The following HELLS variants were observed in gnomAD, a reference collection of about 807,000 sequenced individuals.
The protein encoded by HELLS is lymphoid-specific helicase.
HELLS carries 32 observed loss-of-function variants against 120.0 expected under a neutral mutation model. The ratio of observed to expected loss-of-function variants is 0.27; its 90% CI spans 0.20 to 0.36. The LOEUF (loss-of-function observed/expected upper bound fraction) is 0.36. HELLS is among the 10% of genes least tolerant of loss of function. HELLS has a pLI of 1.00. For missense variants in HELLS, 650 were observed against 993.4 expected (o/e 0.65, Z 4.65); for synonymous variants, 341 against 323.4 (o/e 1.05, Z -0.58).
chr10:94,596,483 G>A (rs1394486314), intron 19 of HELLS, among the ~76,000 whole-genome samples: 1 of 151,976 alleles, frequency 6.6e-6, no homozygotes, highest in Non-Finnish European at 1.5e-5. Flanking sequence ...GTTGTTTTTA[G>A]TAGAATTTTT....
At chr10:94,612,913 CTG>C (rs1230934168) in exon 10 of HELLS, 1 of 152,114 alleles carries the variant, frequency 6.6e-6, no homozygotes, top group Non-Finnish European at 1.5e-5. Flanking sequence ...GACAGTGAGA[CTG>C]TCTCAAAAAA....
At chr10:94,598,471 T>C (rs1229832192) in intron 21 of HELLS, among the ~76,000 whole-genome samples, 1 of 152,172 alleles carries the variant, frequency 6.6e-6, no homozygotes, top group Admixed American at 6.5e-5. Context: ...TTTGTTTTTT[T>C]TGAGACCCAA....
chr10:94,576,057 A>G (rs1203337256), intron 9 of HELLS, among the ~76,000 whole-genome samples: 2 of 151,902 alleles, frequency 1.3e-5, no homozygotes, highest in East Asian at 1.9e-4. Flanking sequence ...TCAGCTTCCC[A>G]AAGTGCTGGG....
In HELLS at chr10:94,594,727, A is replaced by G; in HGVS notation, c.2121A>G (p.Arg707=). ...NPQSDLQAQD[R]CHRIGQTKPV... The stretch of plus-strand genomic sequence containing the variant: ...AGTCGGATCTTCAGGCCCAGGATAG[A>G]TGTCATAGAATTGGTCAGACAAAGC... Residue 707 remains arginine, a synonymous_variant, in exon 19 of 22, where the codon AGA becomes AGG. Transcript: ENST00000348459. The G allele has an allele frequency of 6.2e-7, 1 of 1,613,834 alleles. No homozygotes were observed. Among genetic ancestry groups the G allele is most frequent in the African/African-American group, 1.3e-5 (1 of 75,038 alleles).
chr10:94,563,104 CT>C (rs752391404), intron 6 of HELLS, among the ~76,000 whole-genome samples: 254 of 144,434 alleles, frequency 1.8e-3, no homozygotes, highest in Middle Eastern at 7.2e-3. Flanking sequence ...CCTTCATAGA[CT>C]TTTTTTTTTT....
At chr10:94,601,074 T>C (rs898841323) in intron 21 of HELLS, among the ~76,000 whole-genome samples, 2 of 152,206 alleles carry the variant, frequency 1.3e-5, no homozygotes, top group Non-Finnish European at 2.9e-5. Context: ...AGCTGTCATG[T>C]TGATAAAAAT....
intron 10 of HELLS, among the ~76,000 whole-genome samples, chr10:94,577,947 C>CG (rs1554832066): frequency 6.6e-6 from 1 of 152,030 alleles, no homozygotes; most frequent in Non-Finnish European, 1.5e-5. Context: ...CCTGTAGTCC[C>CG]AGCTACTCGG....
intron 10 of HELLS, among the ~76,000 whole-genome samples, chr10:94,577,271 T>C (rs11188030): frequency 0.38 from 57,999 of 152,050 alleles, 11,470 homozygotes; most frequent in East Asian, 0.68. Flanking sequence ...AATTGAAAGA[T>C]TGACCTTTTT....
chr10:94,605,009 A>C (rs1005705853), downstream of HELLS, among the ~76,000 whole-genome samples: 12 of 130,966 alleles, frequency 9.2e-5, no homozygotes, highest in Non-Finnish European at 1.6e-4. Context: ...CCTTTACCAT[A>C]CTCCTGGGTA....
At chr10:94,573,585 G>T (rs1478826292) in intron 7 of HELLS, among the ~76,000 whole-genome samples, 1 of 151,748 alleles carries the variant, frequency 6.6e-6, no homozygotes, top group African/African-American at 2.4e-5. Context: ...TCAGCCTCCC[G>T]AGTAGCTGGG....
In HELLS at chr10:94,576,676, A is replaced by G. The variant is rs772957824; in HGVS notation, c.903A>G (p.Leu301=). The G allele has an allele frequency of 1.1e-5, 17 of 1,599,436 alleles. No homozygotes were observed. Among genetic ancestry groups the G allele is most frequent in the Non-Finnish European group, 8.6e-6 (10 of 1,168,546 alleles). The part of the protein sequence containing the change: ...KRFTPDIPTM[L]YHGTQEERQK... ...AAATTTTTCAGATCCCTACAATGTT[A>G]TATCATGGAACCCAGGAGGAACGTC... Residue 301 remains leucine (L), a synonymous_variant, in exon 10 of 22, where the codon TTA becomes TTG. Coordinates refer to ENST00000348459, the MANE Select transcript of HELLS (RefSeq NM_018063.5).
At chr10:94,548,543 G>A (rs1842842707) in intron 2 of HELLS, among the ~76,000 whole-genome samples, 1 of 152,200 alleles carries the variant, frequency 6.6e-6, no homozygotes. Context: ...AGTCAAATAT[G>A]TAGTATTTTA....
intron 11 of HELLS, among the ~76,000 whole-genome samples, chr10:94,582,662 T>A (rs1844929253): frequency 6.6e-6 from 1 of 152,192 alleles, no homozygotes; most frequent in African/African-American, 2.4e-5. Flanking sequence ...TGTAAAATTA[T>A]AAATATATAC....
chr10:94,549,872 A>G (rs921054606), intron 2 of HELLS, among the ~76,000 whole-genome samples: 1 of 152,096 alleles, frequency 6.6e-6, no homozygotes, highest in East Asian at 1.9e-4. Context: ...TATTAATTGT[A>G]TATTATTTTT....
At chr10:94,549,756 G>A (rs867046116) in intron 2 of HELLS, among the ~76,000 whole-genome samples, 7 of 151,990 alleles carry the variant, frequency 4.6e-5, no homozygotes, top group African/African-American at 1.5e-4. Flanking sequence ...GCAATTTACC[G>A]TAATATAATC....
intron 12 of HELLS, chr10:94,583,992 G>C (rs1845000114): frequency 1.8e-5 from 11 of 625,488 alleles, no homozygotes; most frequent in Non-Finnish European, 3.1e-5. Flanking sequence ...CCTTAGGAAA[G>C]AATTCCTAGA....
Position 94,559,432 on chromosome 10 carries a change from ATTTATTTTAT to A in HELLS, c.333+1256_333+1265del, listed in dbSNP as rs1039327041. On this transcript the variant is annotated intron_variant, in intron 4 of 21. Coordinates refer to ENST00000348459, the MANE Select transcript of HELLS (RefSeq NM_018063.5). ...TTGGCCCTGAGTTCGATATTTATTT[ATTTATTTTAT>A]TTTATTTTATTTTATTTTTTTGAGA... Among the ~76,000 whole-genome samples, 49 of 151,644 alleles carry A rather than the reference ATTTATTTTAT, an allele frequency of 3.2e-4. 1 individual carries two copies. Among genetic ancestry groups the A allele is most frequent in the South Asian group, 1.2e-3 (6 of 4,802 alleles).
intron 11 of HELLS, among the ~76,000 whole-genome samples, chr10:94,582,643 C>CTTTT: frequency 6.6e-6 from 1 of 152,126 alleles, no homozygotes; most frequent in Middle Eastern, 3.4e-3. Flanking sequence ...ATAGTTCTCA[C>CTTTT]TTTTGTAATG....
intron 2 of HELLS, among the ~76,000 whole-genome samples, chr10:94,549,453 A>G (rs1184681087): frequency 6.6e-6 from 1 of 152,202 alleles, no homozygotes; most frequent in African/African-American, 2.4e-5. Flanking sequence ...ATTTCCCTTT[A>G]AAAGAAGTCA....
Sources: allele counts gnomAD v4.1 joint callset (sites outside exome capture counted in the v4.1 genomes callset), GRCh38; gene constraint gnomAD v4.1.1; transcripts MANE v1.5; gene names NCBI Gene and HGNC (gene_info 2026-07-23, HGNC 2026-07-21).